Variants in PPP2R2D observed in about 807,000 individuals in gnomAD.
PPP2R2D encodes serine/threonine-protein phosphatase 2A 55 kDa regulatory subunit B delta isoform.
A neutral mutation model predicts 31.1 loss-of-function variants in PPP2R2D; 9 were observed. That is an observed-to-expected ratio of 0.29 (90% confidence interval 0.17 to 0.51). The LOEUF is 0.51. Among genes scored for constraint, PPP2R2D ranks in the 20% least tolerant of loss-of-function variants. PPP2R2D has a pLI of 0.98. For missense variants in PPP2R2D, 391 were observed against 465.6 expected, an observed-to-expected ratio of 0.84 and a Z score of 1.48; for synonymous variants, 179 against 172.6, an observed-to-expected ratio of 1.04 and a Z score of -0.29.
At chr10:131,960,604 G>T (rs549164820), downstream of PPP2R2D, among the ~76,000 whole-genome samples, 6 of 152,180 alleles carry the variant, frequency 3.9e-5, no homozygotes, top group Admixed American at 1.3e-4. Context: ...AAAGCCCAGT[G>T]CCATGGGATT....
At chr10:131,971,170 C>T in the PPP2R2D span, 6 of 581,292 alleles carry the variant, frequency 1.0e-5, no homozygotes, top group Non-Finnish European at 1.8e-5. Context: ...GCTCACAGCA[C>T]GCTCGCCGCC....
chr10:131,962,379 C>T (rs1405889201), downstream of PPP2R2D, among the ~76,000 whole-genome samples: 1 of 152,168 alleles, frequency 6.6e-6, no homozygotes, highest in Non-Finnish European at 1.5e-5. Context: ...TGCAAAGAGG[C>T]GAAACCTGTG....
intron 2 of PPP2R2D, among the ~76,000 whole-genome samples, chr10:131,913,220 G>A (rs1191237720): frequency 7.0e-6 from 1 of 142,250 alleles, no homozygotes; most frequent in African/African-American, 2.7e-5. Context: ...TAGTAGAGTT[G>A]GGGTTTCACC....
rs200325070 is a variant in PPP2R2D, at chr10:131,955,816, G to A, written c.1215G>A (p.Thr405=). 2,551 of 1,608,656 alleles carry A rather than the reference G, an allele frequency of 1.6e-3. 4 individuals are homozygous for A. Among genetic ancestry groups the A allele is most frequent in the Non-Finnish European group, 1.9e-3 (2,245 of 1,177,168 alleles). The stretch of plus-strand genomic sequence containing the variant: ...GCCTCAAACCCCGGAAGGTGTGTAC[G>A]GGGGGTAAGCGGAGGAAAGACGAGA... ...RASLKPRKVC[T]GGKRRKDEIS... The change falls in exon 9 of 9, where the codon ACG becomes ACA. Residue 405 remains threonine, a synonymous_variant. Transcript: ENST00000455566.
downstream of PPP2R2D, among the ~76,000 whole-genome samples, chr10:131,961,685 C>T (rs368716063): frequency 2.6e-5 from 4 of 152,322 alleles, no homozygotes; most frequent in African/African-American, 4.8e-5. Context: ...GAGGCGCTGC[C>T]GTCCTGGGCC....
chr10:131,955,815 C>CG lies in PPP2R2D; in HGVS notation c.1220dup (p.Lys408Ter). The stretch of plus-strand genomic sequence containing the variant: ...AGCCTCAAACCCCGGAAGGTGTGTA[C>CG]GGGGGGTAAGCGGAGGAAAGACGAG... On this transcript the variant is annotated frameshift_variant, in exon 9 of 9. Coordinates refer to ENST00000455566, the MANE Select transcript of PPP2R2D (RefSeq NM_018461.5). LOFTEE classifies it high-confidence loss of function. The CG allele has an allele frequency of 6.2e-7, 1 of 1,608,592 alleles. No homozygotes were observed. The highest frequency in any genetic ancestry group is 8.5e-7 in the Non-Finnish European group (1 of 1,177,146).
At chr10:131,903,111 A>G (rs1333618443) in intron 2 of PPP2R2D, among the ~76,000 whole-genome samples, 1 of 152,204 alleles carries the variant, frequency 6.6e-6, no homozygotes, top group Non-Finnish European at 1.5e-5. Flanking sequence ...AAATTTAAGT[A>G]TAACTAAGGT....
At chr10:131,916,595 C>G (rs1009361418) in intron 2 of PPP2R2D, among the ~76,000 whole-genome samples, 1 of 144,976 alleles carries the variant, frequency 6.9e-6, no homozygotes. Flanking sequence ...CTGAATTTGC[C>G]CAGTCTAGGG....
intron 2 of PPP2R2D, among the ~76,000 whole-genome samples, chr10:131,914,363 A>G (rs1554892793): frequency 6.6e-6 from 1 of 152,226 alleles, no homozygotes; most frequent in African/African-American, 2.4e-5. Flanking sequence ...GTCTCAAATA[A>G]GCAAAGACAT....
chr10:131,916,841 T>A (rs1554893169), intron 2 of PPP2R2D, among the ~76,000 whole-genome samples: 1 of 149,666 alleles, frequency 6.7e-6, no homozygotes, highest in Admixed American at 6.6e-5. Flanking sequence ...TGACAGTGTT[T>A]GTAGGGACCT....
At chr10:131,964,583 G>T (rs2036956479), downstream of PPP2R2D, among the ~76,000 whole-genome samples, 1 of 151,534 alleles carries the variant, frequency 6.6e-6, no homozygotes, top group Non-Finnish European at 1.5e-5. Flanking sequence ...GTCATTACGT[G>T]TAACATCACA....
At chr10:131,961,508 G>A (rs1343153682), downstream of PPP2R2D, among the ~76,000 whole-genome samples, 1 of 152,178 alleles carries the variant, frequency 6.6e-6, no homozygotes, top group Non-Finnish European at 1.5e-5. Flanking sequence ...ACACACCACA[G>A]CACCCGGCTG....
intron 8 of PPP2R2D, among the ~76,000 whole-genome samples, chr10:131,953,856 A>T (rs111860732): frequency 1.3e-5 from 2 of 152,260 alleles, no homozygotes; most frequent in African/African-American, 4.8e-5. Context: ...TATATTTCAA[A>T]TATTGCAAAA....
chr10:131,907,201 T>A (rs1482344313), intron 2 of PPP2R2D, among the ~76,000 whole-genome samples: 1 of 152,058 alleles, frequency 6.6e-6, no homozygotes, highest in East Asian at 1.9e-4. Flanking sequence ...CATTTATATT[T>A]TTTTTTTGGT....
In PPP2R2D at chr10:131,959,172, C is replaced by G. The variant is rs1159968565; in HGVS notation, c.*3209C>G. The G allele has an allele frequency of 6.9e-6, 1 of 144,472 alleles. No homozygotes were observed. The highest frequency in any genetic ancestry group is 1.3e-5 in the Non-Finnish European group (1 of 75,198). 8.9% of individuals were successfully genotyped at this position (144,472 alleles called of 1,614,324 possible). On this transcript the variant is annotated 3_prime_UTR_variant, in exon 9 of 9. Transcript: ENST00000455566. Reference sequence around the variant, plus strand: ...GAAGGTGTGTGCTGATCCCCGGTCCCCCTGTGGAGATGAAGGTGTGTGCTG... The same window carrying G: ...GAAGGTGTGTGCTGATCCCCGGTCCGCCTGTGGAGATGAAGGTGTGTGCTG...
intron 2 of PPP2R2D, among the ~76,000 whole-genome samples, chr10:131,903,062 CT>C (rs1393899025): frequency 1.2e-3 from 175 of 148,872 alleles, no homozygotes; most frequent in African/African-American, 3.8e-3. Flanking sequence ...GGTTTCTTTA[CT>C]TAAAAAAAAA....
At chr10:131,931,649 C>T (rs2119819568) in intron 2 of PPP2R2D, among the ~76,000 whole-genome samples, 1 of 152,298 alleles carries the variant, frequency 6.6e-6, no homozygotes. Flanking sequence ...CGCCTGGCCC[C>T]ACCCATCTTT....
chr10:131,919,603 T>C (rs2035922849), intron 2 of PPP2R2D, among the ~76,000 whole-genome samples: 2 of 127,288 alleles, frequency 1.6e-5, no homozygotes, highest in Non-Finnish European at 3.3e-5. Flanking sequence ...TGTAGGGACC[T>C]CAGGCGGGTG....
intron 2 of PPP2R2D, among the ~76,000 whole-genome samples, chr10:131,903,516 A>G (rs1157409211): frequency 6.6e-6 from 1 of 151,992 alleles, no homozygotes; most frequent in Non-Finnish European, 1.5e-5. Context: ...TGTTCTCTGA[A>G]TTAAACTGAT....
Sources: gnomAD v4.1 joint callset for allele counts (sites outside exome capture counted in the v4.1 genomes callset) on GRCh38, gnomAD v4.1.1 for gene constraint, MANE v1.5 for transcripts, NCBI Gene and HGNC (gene_info 2026-07-23, HGNC 2026-07-21) for gene names.